Variants in PPP1R1C observed in about 807,000 individuals in gnomAD.
PPP1R1C encodes protein phosphatase 1 regulatory inhibitor subunit 1C.
Under a neutral mutation model 17.4 loss-of-function variants are expected in PPP1R1C, and 15 were observed. That is an observed-to-expected ratio of 0.86 (90% CI 0.58 to 1.33). PPP1R1C has a LOEUF of 1.33. Among genes scored for constraint, PPP1R1C ranks in the 40% most tolerant of loss-of-function variants. The pLI, the probability that PPP1R1C is intolerant of heterozygous loss-of-function variation, is 0.00. For missense variants in PPP1R1C, 143 were observed against 130.0 expected, an observed-to-expected ratio of 1.10 and a Z score of -0.48; for synonymous variants, 35 against 43.1, an observed-to-expected ratio of 0.81 and a Z score of 0.73.
chr2:182,004,338 T>TTA (rs903316751), intron 2 of PPP1R1C, among the ~76,000 whole-genome samples: 2 of 152,302 alleles, frequency 1.3e-5, no homozygotes, highest in East Asian at 3.9e-4. Context: ...ATTTAACAGA[T>TTA]AGTTACTGAG....
chr2:182,110,523 A>G (rs16822592), intron 4 of PPP1R1C, among the ~76,000 whole-genome samples: 36,992 of 151,958 alleles, frequency 0.24, 5,058 homozygotes, highest in African/African-American at 0.37. Context: ...TACACTGGCA[A>G]CAGTCTGTGG....
At chr2:181,956,821 T>C (rs1684678017) in intron 1 of PPP1R1C, among the ~76,000 whole-genome samples, 1 of 152,220 alleles carries the variant, frequency 6.6e-6, no homozygotes, top group African/African-American at 2.4e-5. Flanking sequence ...AAAATGGCAA[T>C]TTCAGATTAT....
intron 4 of PPP1R1C, among the ~76,000 whole-genome samples, chr2:182,083,238 A>T (rs747372509): frequency 6.6e-6 from 1 of 152,158 alleles, no homozygotes; most frequent in East Asian, 1.9e-4. Context: ...TTGAAAGTGA[A>T]TTTTTTCATA....
At chr2:182,124,340 T>TTTTTTTTG (rs1689820197) in intron 5 of PPP1R1C, among the ~76,000 whole-genome samples, 1 of 129,826 alleles carries the variant, frequency 7.7e-6, no homozygotes, top group African/African-American at 3.2e-5. Context: ...TTTTTTTTTG[T>TTTTTTTTG]TTTTTTTTTT....
chr2:182,032,954 G>A (rs1686890965), intron 2 of PPP1R1C, among the ~76,000 whole-genome samples: 2 of 152,148 alleles, frequency 1.3e-5, no homozygotes, highest in Admixed American at 1.3e-4. Context: ...TGAGAGAGTT[G>A]TTGCAAATTC....
intron 2 of PPP1R1C, among the ~76,000 whole-genome samples, chr2:182,012,854 T>C (rs1686127059): frequency 6.6e-6 from 1 of 152,098 alleles, no homozygotes. Context: ...ATCACACTGA[T>C]TGCAAAAACA....
intron 2 of PPP1R1C, 76 bp downstream of exon 2, chr2:181,987,975 C>T: frequency 7.9e-7 from 1 of 1,263,636 alleles, no homozygotes; most frequent in East Asian, 2.5e-5. Context: ...ACATGTCGTA[C>T]TGAAAAGTTT....
At chr2:182,113,224 G>A (rs1174403581) in intron 4 of PPP1R1C, among the ~76,000 whole-genome samples, 3 of 152,140 alleles carry the variant, frequency 2.0e-5, no homozygotes, top group Admixed American at 2.0e-4. Flanking sequence ...TTTATATTGA[G>A]TTATAATCTG....
intron 1 of PPP1R1C, among the ~76,000 whole-genome samples, chr2:181,974,072 A>G (rs1156608056): frequency 6.6e-6 from 1 of 151,998 alleles, no homozygotes; most frequent in Non-Finnish European, 1.5e-5. Context: ...TTGAAATTTA[A>G]ATCAGTCAAT....
chr2:182,091,922 T>C (rs753388240), intron 4 of PPP1R1C, among the ~76,000 whole-genome samples: 3 of 152,192 alleles, frequency 2.0e-5, no homozygotes, highest in Non-Finnish European at 4.4e-5. Context: ...CTTTGTCTTT[T>C]GTTCTTTCTT....
At chr2:182,005,930 AAAT>A (rs2125152234) in intron 2 of PPP1R1C, among the ~76,000 whole-genome samples, 1 of 152,318 alleles carries the variant, frequency 6.6e-6, no homozygotes, top group South Asian at 2.1e-4. Flanking sequence ...TAAAAGATGA[AAAT>A]AATAAATAAA....
chr2:182,085,601 G>A (rs1214433373), intron 4 of PPP1R1C, among the ~76,000 whole-genome samples: 1 of 152,022 alleles, frequency 6.6e-6, no homozygotes, highest in Non-Finnish European at 1.5e-5. Context: ...CTTATCTTTT[G>A]TTGCCTCTAG....
At chr2:182,022,338 T>C (rs890598275) in intron 2 of PPP1R1C, among the ~76,000 whole-genome samples, 1 of 152,194 alleles carries the variant, frequency 6.6e-6, no homozygotes, top group East Asian at 1.9e-4. Flanking sequence ...TTCATAAATC[T>C]GGGTATAGAC....
chr2:182,018,319 A>C (rs34024596), intron 2 of PPP1R1C, among the ~76,000 whole-genome samples: 9,421 of 152,264 alleles, frequency 0.062, 403 homozygotes, highest in Non-Finnish European at 0.091. Context: ...AGCTAACAGA[A>C]ATGAGAAACA....
At chr2:182,122,822 G>A (rs1001193893) in intron 5 of PPP1R1C, among the ~76,000 whole-genome samples, 2 of 152,092 alleles carry the variant, frequency 1.3e-5, no homozygotes, top group African/African-American at 4.8e-5. Context: ...TTCTGGAGTT[G>A]TCTCTGTTTT....
chr2:181,960,007 G>T (rs1040170861), intron 1 of PPP1R1C, among the ~76,000 whole-genome samples: 3 of 152,156 alleles, frequency 2.0e-5, no homozygotes, highest in Admixed American at 1.3e-4. Context: ...TGATTCTTGT[G>T]TTAATTTTTC....
At chr2:182,071,338 C>T (rs936768774) in intron 4 of PPP1R1C, among the ~76,000 whole-genome samples, 13 of 152,032 alleles carry the variant, frequency 8.6e-5, no homozygotes, top group Admixed American at 6.5e-5. Context: ...ATCCCTGTAC[C>T]GGGATTTGAC....
At chr2:182,053,195 G>A (rs1250184360) in intron 2 of PPP1R1C, among the ~76,000 whole-genome samples, 1 of 152,182 alleles carries the variant, frequency 6.6e-6, no homozygotes, top group East Asian at 1.9e-4. Context: ...ACAATTGTCT[G>A]CAGTTTCCTC....
chr2:182,048,817 A>G (rs1182500744), intron 2 of PPP1R1C: 1 of 152,262 alleles, frequency 6.6e-6, no homozygotes, highest in Non-Finnish European at 1.5e-5. Flanking sequence ...AACATGTTAG[A>G]TACAGTCTAC....
Sources: allele counts gnomAD v4.1 joint callset (sites outside exome capture counted in the v4.1 genomes callset), GRCh38; gene constraint gnomAD v4.1.1; transcripts MANE v1.5; gene names NCBI Gene and HGNC (gene_info 2026-07-23, HGNC 2026-07-21).